Variants in CPM observed in about 807,000 individuals in gnomAD.
CPM encodes renal carboxypeptidase.
CPM carries 35 observed loss-of-function variants against 46.4 expected under a neutral mutation model. The observed-to-expected ratio is 0.75, with a 90% CI of 0.58 to 1.00. CPM has a LOEUF of 1.00. CPM is among the 50% of genes least tolerant of loss of function. The probability of loss-of-function intolerance (pLI) is 0.00; values close to 1 mark genes in which losing one functional copy is unlikely to be tolerated. For synonymous variants in CPM, 195 were observed against 195.3 expected, an observed-to-expected ratio of 1.00 and a Z score of 0.01; for missense variants, 422 against 530.4, an observed-to-expected ratio of 0.80 and a Z score of 2.01.
intron 5 of CPM, chr12:68,844,720 G>T (rs1023036728): frequency 4.6e-6 from 1 of 215,614 alleles, no homozygotes; most frequent in African/African-American, 2.3e-5. Context: ...CTAGCTTTTG[G>T]CATTATATAA....
chr12:68,862,840 G>A (rs1885270352), intron 7 of CPM, among the ~76,000 whole-genome samples: 2 of 149,706 alleles, frequency 1.3e-5, no homozygotes, highest in Non-Finnish European at 1.5e-5. Context: ...GACGCAGAGA[G>A]AGCCAACACT....
intron 2 of CPM, among the ~76,000 whole-genome samples, chr12:68,898,130 G>A (rs533328973): frequency 6.6e-6 from 1 of 151,372 alleles, no homozygotes; most frequent in Non-Finnish European, 1.5e-5. Context: ...TTAGGATTAC[G>A]GGCATGAGCC....
intron 3 of CPM, among the ~76,000 whole-genome samples, chr12:68,878,148 G>A (rs1026250573): frequency 6.6e-6 from 1 of 152,212 alleles, no homozygotes; most frequent in African/African-American, 2.4e-5. Context: ...AATCATAACA[G>A]TGAGAAAATT....
chr12:68,909,944 C>A (rs541141679), intron 2 of CPM, among the ~76,000 whole-genome samples: 15 of 151,226 alleles, frequency 9.9e-5, no homozygotes, highest in South Asian at 8.4e-4. Flanking sequence ...ATGTAACAAA[C>A]CTGCACATTC....
At chr12:68,878,869 AC>A (rs1886070023) in intron 3 of CPM, among the ~76,000 whole-genome samples, 1 of 151,646 alleles carries the variant, frequency 6.6e-6, no homozygotes, top group African/African-American at 2.4e-5. Context: ...AAAAATTCCT[AC>A]CCCCCATCTC....
downstream of CPM, chr12:68,848,185 TTTTG>T (rs1400717053): frequency 3.3e-5 from 5 of 152,196 alleles, no homozygotes; most frequent in Admixed American, 6.5e-5. Context: ...GATTGTGATT[TTTTG>T]TTTGTTTTTT....
intron 2 of CPM, among the ~76,000 whole-genome samples, chr12:68,929,595 G>A (rs1888419513): frequency 6.6e-6 from 1 of 152,102 alleles, no homozygotes; most frequent in South Asian, 2.1e-4. Flanking sequence ...GTATAGATGT[G>A]TTTAACTTTT....
chr12:68,851,371 C>CCAGGCAGAGG lies in CPM; in HGVS notation c.*5056_*5065dup, dbSNP rs1407083849. On this transcript the variant is annotated 3_prime_UTR_variant, in exon 9 of 9. Transcript: ENST00000551568. ...CTGTAATCCCAGCACTTTGGGAGGT[C>CCAGGCAGAGG]CAGGCAGAGGCAGGCAGATCATGAG... 6.6e-6 allele frequency: 1 copy of CCAGGCAGAGG among 152,398 alleles called. No homozygotes were observed. The highest frequency in any genetic ancestry group is 2.4e-5 in the African/African-American group (1 of 41,374). The allele number at this position is 152,398 out of a possible 1,614,324, so 9.4% of individuals were successfully genotyped here.
In CPM at chr12:68,852,397, T is replaced by C. The variant is rs1472382118; in HGVS notation, c.*4040A>G. 1 of 152,174 alleles carries C rather than the reference T, an allele frequency of 6.6e-6. No individual in the cohort carries two copies. The highest frequency in any genetic ancestry group is 1.5e-5 in the Non-Finnish European group (1 of 68,054). 9.4% of individuals were successfully genotyped at this position (152,174 alleles called of 1,614,324 possible). The stretch of plus-strand genomic sequence containing the variant: ...TTACCTGAGTGTTAACTATCATCTT[T>C]CCTCCACCTGAACAAGCACCAAAAA... On this transcript the variant is annotated 3_prime_UTR_variant, in exon 9 of 9. Transcript: ENST00000551568.
In CPM at chr12:68,842,288, GC is replaced by G; in HGVS notation, c.574del (p.Cys192SerfsTer2). On this transcript the variant is annotated frameshift_variant, in exon 6 of 6. Transcript: ENST00000551897. LOFTEE classifies it high-confidence loss of function. ...AAGTTCAGGACATCAAAGAAGTCAG[GC>G]AAAACTCATCTTGACCCCTGTTGCA... is the stretch of plus-strand genomic sequence containing the variant. 2.0e-6 allele frequency: 1 copy of G among 496,380 alleles called. No individual in the cohort carries two copies. The highest frequency in any genetic ancestry group is 4.0e-6 in the Non-Finnish European group (1 of 250,956). 30.7% of individuals were successfully genotyped at this position (496,380 alleles called of 1,614,324 possible). A position where few individuals can be genotyped will look rare whatever the true frequency, so the allele number is the denominator to read the frequency against.
chr12:68,879,291 A>G (rs142744402), intron 3 of CPM, among the ~76,000 whole-genome samples: 6 of 152,342 alleles, frequency 3.9e-5, no homozygotes, highest in African/African-American at 1.4e-4. Flanking sequence ...AGGTCAAGGA[A>G]ACCTGGGTTT....
At chr12:68,876,984 C>G (rs1038352271) in intron 3 of CPM, among the ~76,000 whole-genome samples, 1 of 151,488 alleles carries the variant, frequency 6.6e-6, no homozygotes, top group African/African-American at 2.4e-5. Context: ...GAAATGCTAC[C>G]CTGTGATGCA....
Position 68,885,998 on chromosome 12 carries a change from G to A in CPM, c.161-109C>T, listed in dbSNP as rs1886411432. On this transcript the variant is annotated intron_variant, in intron 2 of 8. Transcript: ENST00000551568. ...TGCTGCTTCCCCCACTTGATCGCCT[G>A]TTTCATGGTGACTTAAGTTTGTATG... 16 of 824,334 alleles carry A rather than the reference G, an allele frequency of 1.9e-5. 1 individual carries two copies. In the South Asian group the frequency reaches 2.7e-4, roughly 14 times the overall value. 51.1% of individuals were successfully genotyped at this position (824,334 alleles called of 1,614,324 possible). A position where few individuals can be genotyped will look rare whatever the true frequency, so the allele number is the denominator to read the frequency against.
downstream of CPM, among the ~76,000 whole-genome samples, chr12:68,850,911 TC>T (rs1884640281): frequency 6.6e-6 from 1 of 152,154 alleles, no homozygotes; most frequent in Non-Finnish European, 1.5e-5. Context: ...CCATCCATCA[TC>T]TTGTCCATGG....
chr12:68,942,952 T>C (rs1223149131), intron 1 of CPM, among the ~76,000 whole-genome samples: 1 of 152,200 alleles, frequency 6.6e-6, no homozygotes, highest in Non-Finnish European at 1.5e-5. Flanking sequence ...TTGAAATTAA[T>C]TTCAGTTCAG....
intron 3 of CPM, 56 bp downstream of exon 3, chr12:68,885,736 A>G (rs1886398774): frequency 1.4e-6 from 2 of 1,400,730 alleles, no homozygotes; most frequent in South Asian, 2.4e-5. Context: ...AGAGCTCAAG[A>G]GACCCTAGGG....
intron 2 of CPM, among the ~76,000 whole-genome samples, chr12:68,921,397 C>T (rs1052108957): frequency 6.6e-6 from 1 of 152,178 alleles, no homozygotes; most frequent in Non-Finnish European, 1.5e-5. Flanking sequence ...CCGCCTCAGC[C>T]TCCCAAAGTG....
chr12:68,858,804 T>C, intron 8 of CPM, 119 bp downstream of exon 8: 1 of 519,786 alleles, frequency 1.9e-6, no homozygotes, highest in Non-Finnish European at 3.0e-6. Flanking sequence ...CTATCCTTTC[T>C]TTCTGTCTCG....
intron 5 of CPM, chr12:68,844,517 G>C (rs1344232757): frequency 2.6e-5 from 6 of 228,798 alleles, no homozygotes; most frequent in African/African-American, 6.7e-5. Context: ...AGGGGAGTTT[G>C]GGCTAGCCAC....
Sources: gnomAD v4.1 joint callset for allele counts (sites outside exome capture counted in the v4.1 genomes callset) on GRCh38, gnomAD v4.1.1 for gene constraint, MANE v1.5 for transcripts, NCBI Gene and HGNC (gene_info 2026-07-23, HGNC 2026-07-21) for gene names.